The following TMEM245 variants were observed in gnomAD, a reference collection of about 807,000 sequenced individuals.
TMEM245 encodes protein CG-2.
In TMEM245, 69 loss-of-function variants were observed where a neutral mutation model predicts 101.2. The ratio of observed to expected loss-of-function variants is 0.68; its 90% CI spans 0.56 to 0.83. The LOEUF (loss-of-function observed/expected upper bound fraction) is 0.83. TMEM245 is among the 40% of genes least tolerant of loss of function. TMEM245 has a pLI of 0.00. For synonymous variants in TMEM245, 537 were observed against 449.8 expected (o/e 1.19, Z -2.45); for missense variants, 1,075 against 1,092.8 (o/e 0.98, Z 0.23).
At chr9:109,059,641 C>T (rs542848217) in intron 11 of TMEM245, among the ~76,000 whole-genome samples, 4 of 152,278 alleles carry the variant, frequency 2.6e-5, no homozygotes, top group Admixed American at 1.3e-4. Flanking sequence ...GCCAAGATCA[C>T]ACCACTGCAC....
chr9:109,097,069 T>C (rs1279956435), intron 3 of TMEM245, among the ~76,000 whole-genome samples: 1 of 152,140 alleles, frequency 6.6e-6, no homozygotes, highest in Non-Finnish European at 1.5e-5. Context: ...GGAAATCAAA[T>C]CCATGCAGGG....
chr9:109,043,852 C>G (rs1828393519), intron 14 of TMEM245, among the ~76,000 whole-genome samples: 1 of 152,160 alleles, frequency 6.6e-6, no homozygotes, highest in African/African-American at 2.4e-5. Flanking sequence ...CATCGTGCAT[C>G]CAATCCAGCT....
At chr9:109,043,003 C>T (rs971767535) in intron 14 of TMEM245, among the ~76,000 whole-genome samples, 7 of 151,900 alleles carry the variant, frequency 4.6e-5, no homozygotes, top group African/African-American at 1.5e-4. Context: ...ACACACAACC[C>T]ACTACGTGCC....
intron 5 of TMEM245, among the ~76,000 whole-genome samples, chr9:109,089,122 G>A (rs1441509021): frequency 6.6e-6 from 1 of 151,810 alleles, no homozygotes; most frequent in Non-Finnish European, 1.5e-5. Context: ...CAAAACAATA[G>A]CCAGTGGACG....
At chr9:109,051,117 C>A (rs1828666885) in intron 12 of TMEM245, among the ~76,000 whole-genome samples, 1 of 151,844 alleles carries the variant, frequency 6.6e-6, no homozygotes, top group Non-Finnish European at 1.5e-5. Context: ...ATAGTAAAAC[C>A]CTGTCTCTAC....
At position 109,020,324 on chromosome 9, in the gene TMEM245, T is replaced by G. The variant is rs545982860; in HGVS notation, c.*136A>C. On this transcript the variant is annotated 3_prime_UTR_variant, in exon 18 of 18. Transcript: ENST00000374586. ...TTCTCTCTTGTCCAGGCATTCTGTA[T>G]GTAAGGCCAGGAGGCTTCTGCTTCT... 1.3e-5 allele frequency: 11 copies of G among 843,934 alleles called. No homozygotes were observed. In the South Asian group the frequency reaches 1.5e-4, roughly 11 times the overall value. The allele number at this position is 843,934 out of a possible 1,614,324, so 52.3% of individuals were successfully genotyped here.
At chr9:109,072,768 G>C (rs1242267199) in intron 9 of TMEM245, among the ~76,000 whole-genome samples, 1 of 152,218 alleles carries the variant, frequency 6.6e-6, no homozygotes, top group East Asian at 1.9e-4. Context: ...CTACTCCAGA[G>C]GCTAAAGCAG....
At chr9:109,092,992 CA>C (rs1184649232) in intron 4 of TMEM245, among the ~76,000 whole-genome samples, 2 of 150,872 alleles carry the variant, frequency 1.3e-5, no homozygotes, top group Non-Finnish European at 3.0e-5. Context: ...AAGTCTTCCC[CA>C]AAAAAAGGGT....
intron 9 of TMEM245, among the ~76,000 whole-genome samples, chr9:109,070,538 A>C (rs1174805032): frequency 6.6e-6 from 1 of 152,102 alleles, no homozygotes; most frequent in Non-Finnish European, 1.5e-5. Flanking sequence ...GGGCTTTGTC[A>C]CTTCTCATCT....
chr9:109,083,951 C>G (rs1829759387), intron 7 of TMEM245, among the ~76,000 whole-genome samples: 1 of 133,520 alleles, frequency 7.5e-6, no homozygotes, highest in Non-Finnish European at 1.6e-5. Context: ...GTGGTGCACA[C>G]CTGTGGTCCC....
At position 109,119,525 on chromosome 9, in the gene TMEM245, A is replaced by T; in HGVS notation, c.389T>A (p.Phe130Tyr). 6.5e-7 allele frequency: 1 copy of T among 1,530,238 alleles called. No homozygotes were observed. The highest frequency in any genetic ancestry group is 8.7e-7 in the Non-Finnish European group (1 of 1,144,250). 94.8% of individuals were successfully genotyped at this position (1,530,238 alleles called of 1,614,324 possible). The change falls in exon 1 of 18, where the codon TTC becomes TAC. Residue 130 changes from phenylalanine to tyrosine, a missense_variant. This residue lies in a region of TMEM245 where 808 missense variants were observed against 741.5 expected (regional missense o/e 1.09). Transcript: ENST00000374586. ...VLAALLLPLC[F>Y]VDYGVEALGE... ...CAGGGCCTCGACGCCGTAGTCGACG[A>T]AGCAGAGCGGCAGGAGCAGCGCGGC...
intron 16 of TMEM245, among the ~76,000 whole-genome samples, chr9:109,035,156 CAAA>C (rs778574292): frequency 2.5e-4 from 13 of 51,318 alleles, no homozygotes; most frequent in South Asian, 8.7e-4. Context: ...GACTCTGTCT[CAAA>C]AAAAAAAAAA....
At chr9:109,078,689 C>T (rs575396269) in intron 8 of TMEM245, among the ~76,000 whole-genome samples, 67 of 152,204 alleles carry the variant, frequency 4.4e-4, no homozygotes, top group Middle Eastern at 3.4e-3. Context: ...CTTTGTCTTT[C>T]GGCAGTTTGA....
At chr9:109,061,120 A>G (rs1828998557) in intron 10 of TMEM245, among the ~76,000 whole-genome samples, 1 of 152,232 alleles carries the variant, frequency 6.6e-6, no homozygotes, top group Admixed American at 6.5e-5. Flanking sequence ...GTTTGAGATC[A>G]GCCTGAGCAA....
chr9:109,064,370 A>G, intron 10 of TMEM245, 107 bp downstream of exon 10: 1 of 961,242 alleles, frequency 1.0e-6, no homozygotes, highest in East Asian at 2.5e-5. Context: ...ATTTAAGCCT[A>G]TTTACTGCTG....
At chr9:109,035,137 A>G (rs1334560412) in intron 16 of TMEM245, among the ~76,000 whole-genome samples, 2 of 134,108 alleles carry the variant, frequency 1.5e-5, no homozygotes, top group African/African-American at 5.6e-5. Flanking sequence ...AGCCTGGGTG[A>G]TAGAGGGAGA....
intron 3 of TMEM245, among the ~76,000 whole-genome samples, chr9:109,095,644 G>C (rs1370197418): frequency 3.3e-5 from 5 of 152,202 alleles, no homozygotes; most frequent in African/African-American, 4.8e-5. Flanking sequence ...TTTCAAACAG[G>C]ATAGTAGTCT....
At chr9:109,091,643 C>T (rs1200196526) in intron 4 of TMEM245, among the ~76,000 whole-genome samples, 1 of 152,118 alleles carries the variant, frequency 6.6e-6, no homozygotes, top group East Asian at 1.9e-4. Flanking sequence ...CCAGGGCTTT[C>T]AAACAGAATA....
chr9:109,086,113 A>G (rs746060957), intron 6 of TMEM245, 93 bp from the exon 7 acceptor site: 21 of 1,388,424 alleles, frequency 1.5e-5, no homozygotes, highest in Non-Finnish European at 2.1e-5. Context: ...AAAGGAAAGC[A>G]TGAGAAGGAA....
Sources: gnomAD v4.1 joint callset for allele counts (sites outside exome capture counted in the v4.1 genomes callset) on GRCh38, gnomAD v4.1.1 for gene constraint, gnomAD v4.1.1 regional missense constraint, MANE v1.5 for transcripts, NCBI Gene and HGNC (gene_info 2026-07-23, HGNC 2026-07-21) for gene names.